Variants in ANK1 observed in about 807,000 individuals in gnomAD.
ANK1 encodes the protein ankyrin-1.
ANK1 carries 51 observed loss-of-function variants against 210.4 expected under a neutral mutation model. That is an observed-to-expected ratio of 0.24 (90% CI 0.19 to 0.31). The LOEUF (loss-of-function observed/expected upper bound fraction) is 0.31, where lower values mean the gene tolerates loss of function less well. ANK1 is among the 10% of genes least tolerant of loss of function. ANK1 has a pLI of 1.00. For synonymous variants in ANK1, 967 were observed against 1,025.9 expected (o/e 0.94, Z 1.10); for missense variants, 2,051 against 2,504.4 (o/e 0.82, Z 3.86).
chr8:41,692,940 C>A, intron 30 of ANK1, 64 bp from the exon 31 acceptor site: 1 of 1,563,672 alleles, frequency 6.4e-7, no homozygotes, highest in South Asian at 1.1e-5. Flanking sequence ...TCCATCCAGA[C>A]GGGAGCAGCC....
chr8:41,802,800 C>A (rs1850090969), intron 1 of ANK1, among the ~76,000 whole-genome samples: 1 of 151,486 alleles, frequency 6.6e-6, no homozygotes, highest in Non-Finnish European at 1.5e-5. Context: ...GTCCCAGCTA[C>A]TGGGGAGGCT....
Position 41,694,516 on chromosome 8 carries a change from T to TG in ANK1, c.3327+75dup. ...ACCAGACAAAAGTGTGGGGATGTCCTGGGGAAGAGGGTGGCCTTCCCGGAG... is the reference window on the plus strand; with the variant it reads ...ACCAGACAAAAGTGTGGGGATGTCCTGGGGGAAGAGGGTGGCCTTCCCGGAG... On this transcript the variant is annotated intron_variant, in intron 28 of 42. Coordinates refer to ENST00000289734, the MANE Select transcript of ANK1 (RefSeq NM_000037.4). The surrounding 1 kb of genome is among the most constrained non-coding windows in gnomAD (Gnocchi z 5.7). The TG allele has an allele frequency of 7.2e-7, 1 of 1,394,674 alleles. No homozygotes were observed. The highest frequency in any genetic ancestry group is 1.0e-6 in the Non-Finnish European group (1 of 1,002,342). 86.4% of individuals were successfully genotyped at this position (1,394,674 alleles called of 1,614,324 possible). A position where few individuals can be genotyped will look rare whatever the true frequency, so the allele number is the denominator to read the frequency against.
At position 41,698,415 on chromosome 8, in the gene ANK1, A is replaced by G. The variant is rs72638990; in HGVS notation, c.2559-294T>C. On this transcript the variant is annotated intron_variant, in intron 23 of 42. Transcript: ENST00000289734. ...CTTGGTGTGCATTTCGATCCCACCA[A>G]ATGAGTCCGTAAGTTGCTTACGGTC... Among the ~76,000 whole-genome samples, 608 of 151,688 alleles carry G rather than the reference A, an allele frequency of 4.0e-3. 2 individuals are homozygous for G. Among genetic ancestry groups the G allele is most frequent in the Middle Eastern group, 0.014 (4 of 294 alleles).
chr8:41,838,007 C>T (rs1808105221), intron 1 of ANK1, among the ~76,000 whole-genome samples: 1 of 152,228 alleles, frequency 6.6e-6, no homozygotes, highest in Non-Finnish European at 1.5e-5. Flanking sequence ...GACATCACCT[C>T]CTCCACACAC....
chr8:41,825,911 T>C (rs1471722320), intron 1 of ANK1, among the ~76,000 whole-genome samples: 1 of 152,204 alleles, frequency 6.6e-6, no homozygotes, highest in Non-Finnish European at 1.5e-5. Flanking sequence ...TTGTGGGGTC[T>C]CCCCAGCCAT....
chr8:41,825,734 G>C (rs984134106), intron 1 of ANK1, among the ~76,000 whole-genome samples: 1 of 152,232 alleles, frequency 6.6e-6, no homozygotes, highest in Non-Finnish European at 1.5e-5. Context: ...GAGGGACCCG[G>C]TGGGAGGTAT....
exon 1 of ANK1, chr8:41,896,517 C>A: frequency 6.4e-7 from 1 of 1,563,760 alleles, no homozygotes; most frequent in Non-Finnish European, 8.6e-7. Flanking sequence ...CCTCCTGGAC[C>A]CCTAGCGCTC....
chr8:41,756,160 T>C (rs1025821283), intron 2 of ANK1, among the ~76,000 whole-genome samples: 18 of 152,156 alleles, frequency 1.2e-4, no homozygotes, highest in African/African-American at 3.9e-4. Flanking sequence ...TTTATTTATT[T>C]AAGACAGAGT....
At chr8:41,873,926 C>A (rs1816058102) in intron 1 of ANK1, among the ~76,000 whole-genome samples, 1 of 152,124 alleles carries the variant, frequency 6.6e-6, no homozygotes, top group Non-Finnish European at 1.5e-5. Flanking sequence ...CCAAACAGAC[C>A]CAGCCAAGCT....
chr8:41,658,780 C>G (rs1451508162), intron 42 of ANK1, among the ~76,000 whole-genome samples: 1 of 152,152 alleles, frequency 6.6e-6, no homozygotes, highest in Admixed American at 6.5e-5. Flanking sequence ...GTAATCCCAG[C>G]TACTCAGGAG....
At chr8:41,731,736 T>A (rs1325693727) in intron 3 of ANK1, among the ~76,000 whole-genome samples, 1 of 151,998 alleles carries the variant, frequency 6.6e-6, no homozygotes, top group Non-Finnish European at 1.5e-5. Context: ...TTTCTAAAAA[T>A]AAAAAAGACA....
rs146078461 is a variant in ANK1, at chr8:41,782,758, A to G, written c.27+14754T>C. ...GGAGTTAGAGCCTCTCTAATCACCT[A>G]TGCGAAACTAAGTAAGCAAGGTGTA... On this transcript the variant is annotated intron_variant, in intron 1 of 42. Coordinates refer to ENST00000289734, the MANE Select transcript of ANK1 (RefSeq NM_000037.4). Among the ~76,000 whole-genome samples, 416 of 152,344 alleles carry G rather than the reference A, an allele frequency of 2.7e-3. 3 individuals are homozygous for G. The highest frequency in any genetic ancestry group is 9.2e-3 in the African/African-American group (381 of 41,576).
chr8:41,701,530 G>A lies in ANK1; in HGVS notation c.2461+20C>T, dbSNP rs542089856. The A allele has an allele frequency of 2.1e-5, 34 of 1,613,480 alleles. No homozygotes were observed. The African/African-American group carries it at 4.1e-4, about 20-fold the overall frequency. ...AGCCCCTCTGTCCCCACCAGCCTGA[G>A]CTCTTTACCCCAACGTTACCTTCAT... On this transcript the variant is annotated intron_variant, in intron 22 of 42. Coordinates refer to ENST00000289734, the MANE Select transcript of ANK1 (RefSeq NM_000037.4).
At chr8:41,814,211 T>A (rs374780032) in intron 1 of ANK1, among the ~76,000 whole-genome samples, 4 of 151,798 alleles carry the variant, frequency 2.6e-5, no homozygotes, top group East Asian at 1.9e-4. Flanking sequence ...AATACAAAAA[T>A]TAGCCGGGCG....
chr8:41,794,462 C>T (rs1586994019), intron 1 of ANK1, among the ~76,000 whole-genome samples: 1 of 152,152 alleles, frequency 6.6e-6, no homozygotes, highest in East Asian at 1.9e-4. Context: ...GCAGAACTCC[C>T]CACACATCCT....
At chr8:41,785,799 C>T (rs1167643961) in intron 1 of ANK1, among the ~76,000 whole-genome samples, 1 of 152,218 alleles carries the variant, frequency 6.6e-6, no homozygotes, top group Non-Finnish European at 1.5e-5. Flanking sequence ...CCGCTCAGAG[C>T]CGTCCATTGC....
intron 2 of ANK1, among the ~76,000 whole-genome samples, chr8:41,744,966 C>G (rs1041996920): frequency 1.3e-5 from 2 of 152,154 alleles, no homozygotes; most frequent in African/African-American, 4.8e-5. Context: ...CGCTGAGGGC[C>G]TATTCCAGAT....
At chr8:41,677,552 C>T (rs1363165743) in intron 37 of ANK1, among the ~76,000 whole-genome samples, 1 of 151,440 alleles carries the variant, frequency 6.6e-6, no homozygotes, top group African/African-American at 2.4e-5. Context: ...GATGCCACAC[C>T]ATGTTCTGGC....
intron 1 of ANK1, among the ~76,000 whole-genome samples, chr8:41,812,278 G>A (rs1802610778): frequency 6.6e-6 from 1 of 152,174 alleles, no homozygotes; most frequent in Admixed American, 6.5e-5. Context: ...TAATACAGAT[G>A]AACAGGGAGA....
Sources: gnomAD v4.1 joint callset for allele counts (sites outside exome capture counted in the v4.1 genomes callset) on GRCh38, gnomAD v4.1.1 for gene constraint, Gnocchi (gnomAD v3.1) non-coding constraint, MANE v1.5 for transcripts, NCBI Gene and HGNC (gene_info 2026-07-23, HGNC 2026-07-21) for gene names.